The following ROBO2 variants were observed in gnomAD, a reference collection of about 807,000 sequenced individuals.
ROBO2 encodes the protein roundabout homolog 2.
Under a neutral mutation model 160.8 loss-of-function variants are expected in ROBO2, and 53 were observed. The observed-to-expected ratio is 0.33, with a 90% confidence interval of 0.26 to 0.41. The LOEUF (loss-of-function observed/expected upper bound fraction) is 0.41. ROBO2 is among the 10% of genes least tolerant of loss of function. ROBO2 has a pLI of 1.00. For synonymous variants in ROBO2, 664 were observed against 611.7 expected (o/e 1.09, Z -1.26); for missense variants, 1,577 against 1,722.4 (o/e 0.92, Z 1.49).
chr3:76,741,339 A>G (rs1302220386), intron 2 of ROBO2, among the ~76,000 whole-genome samples: 3 of 152,120 alleles, frequency 2.0e-5, no homozygotes, highest in African/African-American at 7.2e-5. Flanking sequence ...AACTAATGGA[A>G]CATCCAAAGT....
chr3:76,496,009 C>T (rs1179814549), intron 2 of ROBO2, among the ~76,000 whole-genome samples: 2 of 152,310 alleles, frequency 1.3e-5, no homozygotes, highest in African/African-American at 4.8e-5. Flanking sequence ...GGAAGCATTT[C>T]CAGAGTTGTC....
chr3:77,157,187 C>A (rs985338447), intron 2 of ROBO2, among the ~76,000 whole-genome samples: 3 of 151,970 alleles, frequency 2.0e-5, no homozygotes, highest in Admixed American at 2.0e-4. Context: ...TCTTATTATT[C>A]TCCTTTGACT....
chr3:77,267,121 G>A (rs148690120), intron 2 of ROBO2, among the ~76,000 whole-genome samples: 1 of 152,058 alleles, frequency 6.6e-6, no homozygotes, highest in African/African-American at 2.4e-5. Context: ...AAAGTTCAGG[G>A]ATTATTCAAT....
chr3:77,088,775 A>C (rs953330957), intron 1 of ROBO2, among the ~76,000 whole-genome samples: 2 of 152,150 alleles, frequency 1.3e-5, no homozygotes, highest in East Asian at 1.9e-4. Context: ...TGTGATATCC[A>C]TTGCTTTTGA....
chr3:75,959,072 A>G (rs1948816210), intron 2 of ROBO2, among the ~76,000 whole-genome samples: 1 of 151,800 alleles, frequency 6.6e-6, no homozygotes, highest in Non-Finnish European at 1.5e-5. Context: ...CTTCAAAATT[A>G]TGATGACATA....
At chr3:76,073,642 G>T (rs551698792) in intron 2 of ROBO2, among the ~76,000 whole-genome samples, 293 of 152,102 alleles carry the variant, frequency 1.9e-3, no homozygotes, top group African/African-American at 6.8e-3. Flanking sequence ...CACAATATAA[G>T]GAAGACAGTT....
In ROBO2 at chr3:76,038,429, G is replaced by A. The variant is rs138835018; in HGVS notation, c.109+100827G>A. On this transcript the variant is annotated intron_variant, in intron 2 of 26. Coordinates refer to the ROBO2 transcript ENST00000487694. Reference sequence around the variant, plus strand: ...AGAGGTGTAAGGAACATCTTAGAATGAGATTACATTGTATGATGGGTGCTG... The same window carrying A: ...AGAGGTGTAAGGAACATCTTAGAATAAGATTACATTGTATGATGGGTGCTG... Among the ~76,000 whole-genome samples, 402 of 152,084 alleles carry A rather than the reference G, an allele frequency of 2.6e-3. 2 individuals are homozygous for A. Among genetic ancestry groups the A allele is most frequent in the Middle Eastern group, 0.014 (4 of 294 alleles).
intron 2 of ROBO2, among the ~76,000 whole-genome samples, chr3:77,318,020 A>ATTTAT (rs1553906409): frequency 4.9e-4 from 75 of 151,560 alleles, no homozygotes; most frequent in African/African-American, 1.7e-3. Context: ...TATGTTATTT[A>ATTTAT]TTTATTTTAT....
At chr3:76,388,917 A>G (rs918411318) in intron 2 of ROBO2, among the ~76,000 whole-genome samples, 1 of 152,086 alleles carries the variant, frequency 6.6e-6, no homozygotes, top group African/African-American at 2.4e-5. Flanking sequence ...AATCTTTTCA[A>G]TCTAAAACTT....
intron 2 of ROBO2, among the ~76,000 whole-genome samples, chr3:76,354,699 T>C (rs1243175355): frequency 1.3e-5 from 2 of 151,790 alleles, no homozygotes; most frequent in Admixed American, 6.6e-5. Flanking sequence ...GCAAGTGATA[T>C]TTTTAGAGAG....
chr3:76,054,284 G>A (rs1219418384), intron 2 of ROBO2, among the ~76,000 whole-genome samples: 1 of 152,004 alleles, frequency 6.6e-6, no homozygotes, highest in Non-Finnish European at 1.5e-5. Context: ...TCTGAATTTA[G>A]TTCTTTAGGT....
chr3:77,106,157 C>T (rs953853908), intron 2 of ROBO2, among the ~76,000 whole-genome samples: 1 of 152,044 alleles, frequency 6.6e-6, no homozygotes, highest in African/African-American at 2.4e-5. Flanking sequence ...ATTCTCCCAC[C>T]ACAGCTTCCC....
At chr3:76,888,189 G>C (rs62261845) in intron 2 of ROBO2, among the ~76,000 whole-genome samples, 17,595 of 152,060 alleles carry the variant, frequency 0.12, 1,383 homozygotes, top group Admixed American at 0.18. Flanking sequence ...CTAATGTGGT[G>C]AAACCCCGTC....
At chr3:76,812,344 T>G (rs1220190183) in intron 2 of ROBO2, among the ~76,000 whole-genome samples, 1 of 107,496 alleles carries the variant, frequency 9.3e-6, no homozygotes, top group Non-Finnish European at 2.0e-5. Context: ...AAAAGCTATT[T>G]GAAAAAAAAA....
intron 21 of ROBO2, among the ~76,000 whole-genome samples, chr3:77,616,366 T>G (rs2094776263): frequency 1.0e-5 from 1 of 98,512 alleles, no homozygotes; most frequent in Admixed American, 1.1e-4. Flanking sequence ...GCTAATGAGT[T>G]GGAAAGGTTT....
intron 2 of ROBO2, among the ~76,000 whole-genome samples, chr3:77,380,456 T>A (rs1312785074): frequency 6.6e-6 from 1 of 152,114 alleles, no homozygotes; most frequent in African/African-American, 2.4e-5. Flanking sequence ...AACGTCATGT[T>A]AAAACATTTT....
chr3:76,082,907 C>A (rs1041982917), intron 2 of ROBO2, among the ~76,000 whole-genome samples: 9 of 152,048 alleles, frequency 5.9e-5, no homozygotes, highest in Admixed American at 5.9e-4. Context: ...AGACCCGGAC[C>A]AAGGCGATCA....
chr3:76,655,075 G>A (rs1472092460), intron 2 of ROBO2, among the ~76,000 whole-genome samples: 1 of 150,884 alleles, frequency 6.6e-6, no homozygotes, highest in Non-Finnish European at 1.5e-5. Flanking sequence ...TTGAAAAAGC[G>A]GGGTTACAAT....
At chr3:77,476,276 C>A (rs975819219) in intron 2 of ROBO2, among the ~76,000 whole-genome samples, 16 of 152,198 alleles carry the variant, frequency 1.1e-4, no homozygotes, top group African/African-American at 3.6e-4. Context: ...TTGACCTAAT[C>A]CCCAGTCGCG....
Sources: allele counts gnomAD v4.1 joint callset (sites outside exome capture counted in the v4.1 genomes callset), GRCh38; gene constraint gnomAD v4.1.1; transcripts MANE v1.5; gene names NCBI Gene and HGNC (gene_info 2026-07-23, HGNC 2026-07-21).